Variants in ESYT3 observed in about 807,000 individuals in gnomAD.
ESYT3 encodes the protein extended synaptotagmin-3.
ESYT3 carries 101 observed loss-of-function variants against 111.5 expected under a neutral mutation model. The observed-to-expected ratio is 0.91, with a 90% confidence interval of 0.77 to 1.07. The LOEUF is 1.07. Ranked by LOEUF, ESYT3 falls within the 50% of genes least tolerant of loss-of-function variation. The pLI is 0.00. For missense variants in ESYT3, 1,097 were observed against 1,109.4 expected (o/e 0.99, Z 0.16); for synonymous variants, 416 against 446.8 (o/e 0.93, Z 0.87).
intron 1 of ESYT3, among the ~76,000 whole-genome samples, chr3:138,442,230 A>G (rs1163754176): frequency 6.6e-6 from 1 of 152,178 alleles, no homozygotes; most frequent in Non-Finnish European, 1.5e-5. Context: ...CCAGAGATAC[A>G]GTATGTTTGG....
chr3:138,470,952 C>T lies in ESYT3; in HGVS notation c.1666C>T (p.Leu556Phe). 1 of 1,614,178 alleles carries T rather than the reference C, an allele frequency of 6.2e-7. No individual in the cohort carries two copies. The highest frequency in any genetic ancestry group is 1.1e-5 in the South Asian group (1 of 91,076). ...PLCQILPYAD[L>F]TLEQRFQLDH... Reference sequence around the variant, plus strand: ...GTGCCAGATCCTCCCCTATGCTGACCTCACTCTTGAGCAGCGCTTTCAGCT... The same window carrying T: ...GTGCCAGATCCTCCCCTATGCTGACTTCACTCTTGAGCAGCGCTTTCAGCT... Residue 556 changes from leucine to phenylalanine, a missense_variant, in exon 17 of 23, where the codon CTC (leucine) becomes TTC (phenylalanine). Physicochemically the swap from Leu to Phe is conservative, Grantham distance 22. Transcript: ENST00000389567.
chr3:138,464,314 G>A, intron 8 of ESYT3, 31 bp from the exon 9 acceptor site: 2 of 1,611,698 alleles, frequency 1.2e-6, no homozygotes, highest in East Asian at 2.2e-5. Flanking sequence ...CCAGGAAGCA[G>A]CTGTGAGCCC....
rs1259735202 is a variant in ESYT3, at chr3:138,464,496, C to T, written c.1067C>T (p.Thr356Ile). Reference protein sequence around the residue: ...SRTIYRNLNPTWNEVFEFMVY... With the variant: ...SRTIYRNLNPIWNEVFEFMVY... ...ACCATCTACAGGAACCTGAACCCCA[C>T]CTGGAACGAAGTGTTTGAGGTAAGG... The change falls in exon 9 of 23, where the codon ACC (threonine) becomes ATC (isoleucine). Residue 356 changes from threonine to isoleucine, a missense_variant. Transcript: ENST00000389567. 2 of 1,614,072 alleles carry T rather than the reference C, an allele frequency of 1.2e-6. No individual in the cohort carries two copies. Among genetic ancestry groups the T allele is most frequent in the Middle Eastern group, 1.6e-4 (1 of 6,062 alleles).
intron 10 of ESYT3, among the ~76,000 whole-genome samples, chr3:138,467,332 G>C (rs779201319): frequency 6.6e-5 from 10 of 152,100 alleles, no homozygotes; most frequent in Non-Finnish European, 1.3e-4. Context: ...TGTGGGGATG[G>C]GAGCCCCCTT....
In ESYT3 at chr3:138,452,089, G is replaced by A; in HGVS notation, c.369G>A (p.Lys123=). The change falls in exon 2 of 23, where the codon AAG becomes AAA. Residue 123 remains lysine, a splice_region_variant and synonymous_variant. Coordinates refer to ENST00000389567, the MANE Select transcript of ESYT3 (RefSeq NM_031913.5). The part of the protein sequence containing the change: ...PDVERVEWAN[K]IISQTWPYLS... The stretch of plus-strand genomic sequence containing the variant: ...TGGAGCGGGTCGAGTGGGCCAACAA[G>A]GTAAGGCCGCTGGCAGGGCCTAGCA... 2 of 1,607,714 alleles carry A rather than the reference G, an allele frequency of 1.2e-6. No individual in the cohort carries two copies. The highest frequency in any genetic ancestry group is 1.7e-6 in the Non-Finnish European group (2 of 1,179,792).
intron 8 of ESYT3, 112 bp from the exon 9 acceptor site, chr3:138,464,233 T>G: frequency 8.1e-7 from 1 of 1,235,844 alleles, no homozygotes; most frequent in South Asian, 1.4e-5. Flanking sequence ...GTCCAGACCG[T>G]GGAGGGGGCA....
intron 5 of ESYT3, among the ~76,000 whole-genome samples, chr3:138,459,540 G>A (rs947362829): frequency 2.6e-5 from 4 of 152,224 alleles, no homozygotes; most frequent in African/African-American, 7.2e-5. Context: ...TTCATGGAGC[G>A]ATGGAAAGCC....
intron 17 of ESYT3, among the ~76,000 whole-genome samples, chr3:138,471,737 TCA>T (rs2033229387): frequency 1.3e-5 from 2 of 152,326 alleles, no homozygotes; most frequent in South Asian, 4.1e-4. Flanking sequence ...TTGCTGCAGC[TCA>T]GTACCTCAGG....
chr3:138,443,433 A>G (rs993540687), intron 1 of ESYT3, among the ~76,000 whole-genome samples: 1 of 152,252 alleles, frequency 6.6e-6, no homozygotes, highest in Admixed American at 6.5e-5. Flanking sequence ...CTTGTAAAGC[A>G]GGAACCACTG....
chr3:138,472,224 T>C, intron 17 of ESYT3, 139 bp from the exon 18 acceptor site: 2 of 1,066,094 alleles, frequency 1.9e-6, no homozygotes, highest in East Asian at 2.4e-5. Flanking sequence ...TGGAACACCA[T>C]ATGTATTACT....
At chr3:138,463,076 T>C (rs564471638) in intron 8 of ESYT3, among the ~76,000 whole-genome samples, 51 of 152,270 alleles carry the variant, frequency 3.3e-4, no homozygotes, top group African/African-American at 1.2e-3. Context: ...TTCCCCAGCA[T>C]GCTTTTTTTT....
rs1275017424 is a variant in ESYT3 at position 138,470,773 on chromosome 3, CAGTACAGACTGA to C, written c.1591-99_1591-88del. Reference sequence around the variant, plus strand: ...ATAGGACCAGATGCCCATAGAAGCACAGTACAGACTGAAGTAAACCCAAACTTGGCTGGGGCT... The same window carrying C: ...ATAGGACCAGATGCCCATAGAAGCACAGTAAACCCAAACTTGGCTGGGGCT... On this transcript the variant is annotated intron_variant, in intron 16 of 22. Coordinates refer to ENST00000389567, the MANE Select transcript of ESYT3 (RefSeq NM_031913.5). 14 of 1,568,294 alleles carry C rather than the reference CAGTACAGACTGA, an allele frequency of 8.9e-6. 1 individual carries two copies. The Admixed American group carries it at 2.3e-4, about 26-fold the overall frequency.
intron 11 of ESYT3, 103 bp downstream of exon 11, chr3:138,467,712 C>T: frequency 9.3e-7 from 1 of 1,073,626 alleles, no homozygotes; most frequent in Non-Finnish European, 1.4e-6. Flanking sequence ...TGCTGTGGTC[C>T]CCCTCTGTGC....
Position 138,464,397 on chromosome 3 carries a change from A to G in ESYT3, c.968A>G (p.Asn323Ser), listed in dbSNP as rs890581527. ...GCAGAGCAGCTGGCCCAGAAGGACAACTTTCTGGGGCTCCGAGGCAAGTCA... is the reference window on the plus strand; with the variant it reads ...GCAGAGCAGCTGGCCCAGAAGGACAGCTTTCTGGGGCTCCGAGGCAAGTCA... ...LEAEQLAQKD[N>S]FLGLRGKSDP... is the part of the protein sequence containing the mutation. Residue 323 changes from asparagine (N) to serine (S), a missense_variant, in exon 9 of 23, where the codon AAC (asparagine) becomes AGC (serine). Coordinates refer to ENST00000389567, the MANE Select transcript of ESYT3 (RefSeq NM_031913.5). The G allele has an allele frequency of 2.5e-6, 4 of 1,614,050 alleles. No homozygotes were observed. In the African/African-American group the frequency reaches 4.0e-5, roughly 16 times the overall value.
chr3:138,463,305 G>T (rs1323058308), intron 8 of ESYT3, among the ~76,000 whole-genome samples: 1 of 152,122 alleles, frequency 6.6e-6, no homozygotes, highest in Non-Finnish European at 1.5e-5. Flanking sequence ...ATGTTGGCGA[G>T]GCTGGTCTCG....
chr3:138,434,685 A>C lies in ESYT3; in HGVS notation c.-114A>C. The C allele has an allele frequency of 1.0e-6, 1 of 956,450 alleles. No homozygotes were observed. Among genetic ancestry groups the C allele is most frequent in the Non-Finnish European group, 1.5e-6 (1 of 670,716 alleles). The allele number at this position is 956,450 out of a possible 1,614,324, so 59.2% of individuals were successfully genotyped here. A position where few individuals can be genotyped will look rare whatever the true frequency, so the allele number is the denominator to read the frequency against. ...GCGCGCCGAGAGTCCCAGCAGGGCA[A>C]GGGGGCGCGGCGTCCTGGTCCTCGA... On this transcript the variant is annotated 5_prime_UTR_variant, in exon 1 of 23. Transcript: ENST00000389567.
At chr3:138,450,450 T>G (rs1257479348) in intron 1 of ESYT3, among the ~76,000 whole-genome samples, 1 of 152,188 alleles carries the variant, frequency 6.6e-6, no homozygotes, top group East Asian at 1.9e-4. Context: ...CTCTTCTATT[T>G]CTGTGGGCTG....
intron 1 of ESYT3, 121 bp from the exon 2 acceptor site, chr3:138,451,927 C>T (rs1295783734): frequency 2.7e-6 from 3 of 1,102,322 alleles, no homozygotes; most frequent in Non-Finnish European, 2.7e-6. Flanking sequence ...GTGGAGGCGG[C>T]GGGGAGGAAG....
At chr3:138,468,513 C>T (rs1239058110) in intron 12 of ESYT3, 142 bp from the exon 13 acceptor site, 43 of 790,038 alleles carry the variant, frequency 5.4e-5, no homozygotes, top group Non-Finnish European at 5.0e-5. Flanking sequence ...CAACAAAATG[C>T]TAGGTTGTGA....
Sources: gnomAD v4.1 joint callset for allele counts (sites outside exome capture counted in the v4.1 genomes callset) on GRCh38, gnomAD v4.1.1 for gene constraint, MANE v1.5 for transcripts, NCBI Gene and HGNC (gene_info 2026-07-23, HGNC 2026-07-21) for gene names.